The following EFHD1 variants were observed in gnomAD, a reference collection of about 807,000 sequenced individuals.
EFHD1 encodes EF-hand domain-containing protein D1.
EFHD1 carries 10 observed loss-of-function variants against 17.2 expected under a neutral mutation model. That is an observed-to-expected ratio of 0.58 (90% CI 0.36 to 0.99). The LOEUF (loss-of-function observed/expected upper bound fraction) is 0.99. EFHD1 is among the 50% of genes least tolerant of loss of function. The probability of loss-of-function intolerance (pLI) is 0.01; values close to 1 mark genes in which losing one functional copy is unlikely to be tolerated. For missense variants in EFHD1, 310 were observed against 327.5 expected (o/e 0.95, Z 0.41); for synonymous variants, 153 against 142.0 (o/e 1.08, Z -0.55).
Position 232,662,869 on chromosome 2 carries a change from G to C in EFHD1, c.370G>C (p.Ala124Pro), listed in dbSNP as rs775489644. The C allele has an allele frequency of 2.8e-5, 44 of 1,593,346 alleles. No individual in the cohort carries two copies. Among genetic ancestry groups the C allele is most frequent in the Non-Finnish European group, 1.0e-5 (12 of 1,171,500 alleles). The change falls in exon 2 of 4, where the codon GCC becomes CCC. Residue 124 changes from alanine (A) to proline (P), a missense_variant. Ala to Pro is a conservative substitution (Grantham distance 27, BLOSUM62 -1). Transcript: ENST00000264059. ...GAAGCTGATGATGGAGAAGCTGGGGGCCCCCCAGACCCACCTGGGCCTGAA... is the reference window on the plus strand; with the variant it reads ...GAAGCTGATGATGGAGAAGCTGGGGCCCCCCCAGACCCACCTGGGCCTGAA... ...ELKLMMEKLG[A>P]PQTHLGLKSM... is the part of the protein sequence containing the mutation.
At chr2:232,620,107 G>A (rs1266286539) in intron 1 of EFHD1, among the ~76,000 whole-genome samples, 2 of 150,864 alleles carry the variant, frequency 1.3e-5, no homozygotes, top group African/African-American at 2.4e-5. Flanking sequence ...ACAGAGTCTC[G>A]GCCGGGCGCG....
At chr2:232,619,354 A>G in intron 1 of EFHD1, among the ~76,000 whole-genome samples, 1 of 138,296 alleles carries the variant, frequency 7.2e-6, no homozygotes, top group African/African-American at 2.8e-5. Flanking sequence ...CTTTTTCCCT[A>G]GGCTGGAGTG....
intron 1 of EFHD1, among the ~76,000 whole-genome samples, chr2:232,607,942 A>G (rs1693751012): frequency 6.7e-6 from 1 of 150,330 alleles, no homozygotes; most frequent in Non-Finnish European, 1.5e-5. Context: ...TTTTTTAATT[A>G]ATTAATTAAA....
At chr2:232,645,422 T>A (rs371264211) in intron 1 of EFHD1, among the ~76,000 whole-genome samples, 1 of 152,052 alleles carries the variant, frequency 6.6e-6, no homozygotes, top group East Asian at 1.9e-4. Context: ...ACCCCCAGGT[T>A]TCCCCAGCAC....
intron 1 of EFHD1, among the ~76,000 whole-genome samples, chr2:232,628,132 C>G (rs1270446926): frequency 6.6e-6 from 1 of 152,178 alleles, no homozygotes; most frequent in Non-Finnish European, 1.5e-5. Flanking sequence ...GTGATCTCGG[C>G]TTACTGCAAC....
At chr2:232,645,261 C>T (rs1195702137) in intron 1 of EFHD1, among the ~76,000 whole-genome samples, 7 of 152,200 alleles carry the variant, frequency 4.6e-5, no homozygotes, top group Admixed American at 3.3e-4. Context: ...GCCTCAGCCC[C>T]CTGCCACGGG....
At chr2:232,606,128 G>C in exon 1 of EFHD1, 1 of 1,550,034 alleles carries the variant, frequency 6.5e-7, no homozygotes, top group Non-Finnish European at 8.7e-7. Context: ...TGAAGGCCAA[G>C]ATCTGTAACG....
rs755428001 is a variant in EFHD1, at chr2:232,662,813, G to A, written c.314G>A (p.Gly105Glu). 6.3e-7 allele frequency: 1 copy of A among 1,580,390 alleles called. No individual in the cohort carries two copies. Among genetic ancestry groups the A allele is most frequent in the Non-Finnish European group, 8.6e-7 (1 of 1,165,950 alleles). The change falls in exon 2 of 4, where the codon GGG becomes GAG. Residue 105 changes from glycine (G) to glutamate (E), a missense_variant. By Grantham distance (98) the Gly-to-Glu change is moderately conservative. Transcript: ENST00000264059. Reference protein sequence around the residue: ...LESMFKLYDAGRDGFIDLMEL... With the variant: ...LESMFKLYDAERDGFIDLMEL... ...CTTTGACCCTGCAGGTATGACGCTG[G>A]GCGGGATGGCTTCATCGACCTGATG...
Position 232,650,631 on chromosome 2 carries a change from C to T in EFHD1, c.303-12171C>T, listed in dbSNP as rs193091108. 3.1e-4 allele frequency among the ~76,000 whole-genome samples: 43 copies of T among 138,496 alleles called. No individual in the cohort carries two copies. In the East Asian group the frequency reaches 4.8e-3, roughly 15 times the overall value. The allele number at this position is 138,496 out of a possible 152,430, so 90.9% of individuals were successfully genotyped here. On this transcript the variant is annotated intron_variant, in intron 1 of 3. Transcript: ENST00000264059. ...TTGCCCAGGCTGGAGTGCAGTGGTG[C>T]GATCTTGGCTCATTGCAACCTCTGC...
intron 1 of EFHD1, among the ~76,000 whole-genome samples, chr2:232,624,284 C>T (rs1047160720): frequency 6.6e-6 from 1 of 152,208 alleles, no homozygotes. Flanking sequence ...CCTATCAAGT[C>T]CCTAAAGTCC....
chr2:232,633,470 C>T, upstream of EFHD1: 1 of 1,237,074 alleles, frequency 8.1e-7, no homozygotes, highest in Non-Finnish European at 1.0e-6. Flanking sequence ...CACCCAGACA[C>T]CGGCGGCCTC....
chr2:232,655,649 G>C (rs1489301973), intron 1 of EFHD1, among the ~76,000 whole-genome samples: 2 of 152,164 alleles, frequency 1.3e-5, no homozygotes, highest in African/African-American at 2.4e-5. Context: ...TTGCCAGAAG[G>C]CACTTCCTTG....
intron 3 of EFHD1, among the ~76,000 whole-genome samples, chr2:232,679,791 TA>T (rs1466524677): frequency 6.7e-6 from 1 of 148,868 alleles, no homozygotes; most frequent in African/African-American, 2.5e-5. Flanking sequence ...GCAAAGGATA[TA>T]AATGGGCAAT....
At chr2:232,610,033 C>G (rs1391999625) in intron 1 of EFHD1, among the ~76,000 whole-genome samples, 1 of 152,208 alleles carries the variant, frequency 6.6e-6, no homozygotes, top group Admixed American at 6.5e-5. Context: ...CATTAAACCC[C>G]AAAGGTGAAA....
At chr2:232,657,273 G>A (rs1694779853) in intron 1 of EFHD1, among the ~76,000 whole-genome samples, 1 of 152,114 alleles carries the variant, frequency 6.6e-6, no homozygotes, top group South Asian at 2.1e-4. Flanking sequence ...CTGTCTCGAT[G>A]ATTTTGACTA....
At chr2:232,673,678 T>C (rs1022415537) in intron 3 of EFHD1, among the ~76,000 whole-genome samples, 1 of 151,936 alleles carries the variant, frequency 6.6e-6, no homozygotes, top group African/African-American at 2.4e-5. Context: ...TGTTATAATT[T>C]ATCGTTTCAA....
At position 232,637,362 on chromosome 2, in the gene EFHD1, G is replaced by A. The variant is rs1476173954; in HGVS notation, c.302+3356G>A. Among the ~76,000 whole-genome samples, 3 of 40,748 alleles carry A rather than the reference G, an allele frequency of 7.4e-5. No individual in the cohort carries two copies. The East Asian group carries it at 1.4e-3, about 20-fold the overall frequency. 26.7% of individuals were successfully genotyped at this position (40,748 alleles called of 152,430 possible). On this transcript the variant is annotated intron_variant, in intron 1 of 3. Transcript: ENST00000264059. ...GCCTTCCTTTTTTTTTTTTTTTTTT[G>A]AGATGGAGTCTCACTCCATTGCCCA...
At chr2:232,626,496 C>T (rs1694105539) in intron 1 of EFHD1, among the ~76,000 whole-genome samples, 1 of 152,048 alleles carries the variant, frequency 6.6e-6, no homozygotes, top group African/African-American at 2.4e-5. Context: ...TGCAGTGAGC[C>T]AATATTGAGC....
chr2:232,672,491 C>T (rs540179260), intron 3 of EFHD1, 48 bp downstream of exon 3: 55 of 1,541,634 alleles, frequency 3.6e-5, no homozygotes, highest in Admixed American at 4.1e-5. Flanking sequence ...CCAGCCTTCA[C>T]GCTGCCCACC....
Sources: gnomAD v4.1 joint callset for allele counts (sites outside exome capture counted in the v4.1 genomes callset) on GRCh38, gnomAD v4.1.1 for gene constraint, MANE v1.5 for transcripts, NCBI Gene and HGNC (gene_info 2026-07-23, HGNC 2026-07-21) for gene names.